NUMB: variants seen among roughly 807,000 people sequenced by gnomAD.
NUMB encodes protein numb homolog.
NUMB carries 29 observed loss-of-function variants against 59.7 expected under a neutral mutation model. The ratio of observed to expected loss-of-function variants is 0.49; its 90% CI spans 0.36 to 0.66. NUMB has a LOEUF of 0.66. Among genes scored for constraint, NUMB ranks in the 30% least tolerant of loss-of-function variants. The probability of loss-of-function intolerance (pLI) is 0.00; values close to 1 mark genes in which losing one functional copy is unlikely to be tolerated. For synonymous variants in NUMB, 288 were observed against 288.2 expected, an observed-to-expected ratio of 1.00 and a Z score of 0.01; for missense variants, 723 against 822.0, an observed-to-expected ratio of 0.88 and a Z score of 1.47.
At chr14:73,344,869 A>C (rs979203980) in intron 4 of NUMB, among the ~76,000 whole-genome samples, 3 of 152,254 alleles carry the variant, frequency 2.0e-5, no homozygotes, top group Admixed American at 6.5e-5. Context: ...GGATTCTACC[A>C]ATTTATTAAC....
chr14:73,373,680 G>C (rs1594961622), intron 2 of NUMB, among the ~76,000 whole-genome samples: 1 of 150,694 alleles, frequency 6.6e-6, no homozygotes, highest in African/African-American at 2.4e-5. Context: ...GTTTGAGTTA[G>C]GCCTCACTGA....
chr14:73,355,452 G>C (rs1335322929), intron 4 of NUMB, among the ~76,000 whole-genome samples, 174 bp downstream of exon 4: 3 of 152,028 alleles, frequency 2.0e-5, no homozygotes, highest in Non-Finnish European at 4.4e-5. Flanking sequence ...AAATCTATCT[G>C]TTTTCTTTCT....
intron 4 of NUMB, among the ~76,000 whole-genome samples, chr14:73,340,813 G>C (rs546004259): frequency 1.3e-5 from 2 of 152,230 alleles, no homozygotes; most frequent in Non-Finnish European, 2.9e-5. Context: ...GTTTGGCTCT[G>C]TGTCCCCACT....
intron 2 of NUMB, among the ~76,000 whole-genome samples, chr14:73,403,543 T>A (rs1333578087): frequency 6.6e-6 from 1 of 152,210 alleles, no homozygotes; most frequent in African/African-American, 2.4e-5. Context: ...GAGACAAGAA[T>A]ACAGAATCGG....
At chr14:73,428,656 T>C (rs980661572) in intron 1 of NUMB, among the ~76,000 whole-genome samples, 2 of 151,882 alleles carry the variant, frequency 1.3e-5, no homozygotes, top group African/African-American at 4.8e-5. Flanking sequence ...CCAGGTATGG[T>C]GGTGCATGCC....
chr14:73,304,915 C>T (rs1184406963), intron 6 of NUMB, among the ~76,000 whole-genome samples: 1 of 152,022 alleles, frequency 6.6e-6, no homozygotes, highest in Non-Finnish European at 1.5e-5. Context: ...TGCCTGCCAC[C>T]ACGCCCAGCT....
intron 6 of NUMB, among the ~76,000 whole-genome samples, chr14:73,316,180 G>A (rs1016645311): frequency 1.3e-5 from 2 of 152,082 alleles, no homozygotes; most frequent in African/African-American, 4.8e-5. Context: ...CTATTTATTG[G>A]AATTTCTTAG....
chr14:73,447,772 C>T (rs1883634090), intron 1 of NUMB, among the ~76,000 whole-genome samples: 1 of 149,694 alleles, frequency 6.7e-6, no homozygotes. Context: ...ATTTGCAGTT[C>T]ATTTTCTTGC....
At chr14:73,352,759 G>A (rs2140011370) in intron 4 of NUMB, among the ~76,000 whole-genome samples, 1 of 147,894 alleles carries the variant, frequency 6.8e-6, no homozygotes, top group South Asian at 2.1e-4. Context: ...AGCCAGGATG[G>A]TCTCAATCTC....
intron 7 of NUMB, among the ~76,000 whole-genome samples, chr14:73,296,000 T>C (rs1260157798): frequency 6.6e-6 from 1 of 152,198 alleles, no homozygotes; most frequent in Admixed American, 6.5e-5. Flanking sequence ...AGTTCAAATA[T>C]CATTTTCTTA....
At chr14:73,334,042 T>C (rs1892147344) in intron 4 of NUMB, among the ~76,000 whole-genome samples, 1 of 148,596 alleles carries the variant, frequency 6.7e-6, no homozygotes, top group Non-Finnish European at 1.5e-5. Flanking sequence ...TTTTTGGGGG[T>C]TTTTTGTGTG....
chr14:73,392,953 G>A (rs1457982462), intron 2 of NUMB, among the ~76,000 whole-genome samples: 1 of 152,106 alleles, frequency 6.6e-6, no homozygotes. Flanking sequence ...AAATTTAATA[G>A]ACATGTGCGT....
At chr14:73,295,344 G>A (rs1280969142) in intron 7 of NUMB, among the ~76,000 whole-genome samples, 1 of 152,204 alleles carries the variant, frequency 6.6e-6, no homozygotes, top group African/African-American at 2.4e-5. Flanking sequence ...ACTATTCAGT[G>A]TGGAAAAAAC....
chr14:73,377,931 C>A (rs1343454841), intron 2 of NUMB, among the ~76,000 whole-genome samples: 2 of 151,576 alleles, frequency 1.3e-5, no homozygotes, highest in Non-Finnish European at 2.9e-5. Context: ...TGCGCCACTG[C>A]CACCAGCCTG....
chr14:73,376,314 A>C (rs1439619749), intron 2 of NUMB, among the ~76,000 whole-genome samples: 2 of 152,144 alleles, frequency 1.3e-5, no homozygotes, highest in Non-Finnish European at 2.9e-5. Context: ...AGCACCCTCC[A>C]AAAATGACTT....
chr14:73,324,965 G>A (rs1271477735), intron 4 of NUMB, among the ~76,000 whole-genome samples: 1 of 151,378 alleles, frequency 6.6e-6, no homozygotes, highest in Non-Finnish European at 1.5e-5. Context: ...TTTGACCCAT[G>A]TATCCCTCTC....
chr14:73,449,902 G>A (rs775150112), intron 1 of NUMB, among the ~76,000 whole-genome samples: 4 of 152,140 alleles, frequency 2.6e-5, no homozygotes, highest in Admixed American at 6.6e-5. Flanking sequence ...TGGCCAGGCT[G>A]GTCTCGAACT....
intron 2 of NUMB, among the ~76,000 whole-genome samples, chr14:73,374,952 C>T (rs1023519847): frequency 2.0e-5 from 3 of 152,104 alleles, no homozygotes; most frequent in Non-Finnish European, 4.4e-5. Context: ...AACTCCTGAC[C>T]TCAGCTGATC....
chr14:73,291,824 C>A (rs1889420484), intron 8 of NUMB, among the ~76,000 whole-genome samples: 2 of 151,778 alleles, frequency 1.3e-5, no homozygotes, highest in Admixed American at 6.6e-5. Flanking sequence ...GCTGGGACTA[C>A]AGGCATGCAC....
Sources: gnomAD v4.1 joint callset for allele counts (sites outside exome capture counted in the v4.1 genomes callset) on GRCh38, gnomAD v4.1.1 for gene constraint, MANE v1.5 for transcripts, NCBI Gene and HGNC (gene_info 2026-07-23, HGNC 2026-07-21) for gene names.